Variants in ARHGAP40 observed in about 807,000 individuals in gnomAD.
ARHGAP40 encodes rho GTPase-activating protein 40.
A neutral mutation model predicts 73.5 loss-of-function variants in ARHGAP40; 43 were observed. The observed-to-expected ratio is 0.58, with a 90% CI of 0.46 to 0.75. The LOEUF (loss-of-function observed/expected upper bound fraction) is 0.75. Among genes scored for constraint, ARHGAP40 ranks in the 30% least tolerant of loss-of-function variants. ARHGAP40 has a pLI of 0.00. For missense variants in ARHGAP40, 734 were observed against 861.8 expected (o/e 0.85, Z 1.86); for synonymous variants, 300 against 352.8 (o/e 0.85, Z 1.68).
At chr20:38,650,008 A>C in exon 15 of ARHGAP40, 2 of 440,138 alleles carry the variant, frequency 4.5e-6, no homozygotes, top group South Asian at 3.9e-5. Flanking sequence ...TCAGAAATAG[A>C]CTCAGGGGTG....
intron 1 of ARHGAP40, among the ~76,000 whole-genome samples, chr20:38,621,881 C>G (rs191378900): frequency 6.3e-4 from 96 of 152,144 alleles, no homozygotes; most frequent in Middle Eastern, 3.4e-3. Context: ...TGGCAAAAAC[C>G]CTGTCTCTAC....
chr20:38,633,224 G>A (rs2088952417), intron 5 of ARHGAP40, among the ~76,000 whole-genome samples: 1 of 152,148 alleles, frequency 6.6e-6, no homozygotes, highest in Non-Finnish European at 1.5e-5. Flanking sequence ...CAAGGTTACA[G>A]TGAGCTGTGA....
intron 6 of ARHGAP40, among the ~76,000 whole-genome samples, chr20:38,635,679 A>T (rs905234872): frequency 1.3e-5 from 2 of 152,072 alleles, no homozygotes; most frequent in African/African-American, 4.8e-5. Flanking sequence ...TATATATAGA[A>T]CTATGAGACC....
At chr20:38,608,816 T>C (rs117743281) in intron 1 of ARHGAP40, among the ~76,000 whole-genome samples, 130 of 152,290 alleles carry the variant, frequency 8.5e-4, no homozygotes, top group Non-Finnish European at 1.6e-3. Flanking sequence ...AAAATCAAGG[T>C]GTCGGTAGGA....
chr20:38,634,479 G>A (rs1196269503), intron 5 of ARHGAP40, 141 bp from the exon 6 acceptor site: 2 of 580,160 alleles, frequency 3.4e-6, no homozygotes, highest in Non-Finnish European at 5.6e-6. Flanking sequence ...CTTGACTTGA[G>A]GATGGACTCC....
At chr20:38,644,036 T>C (rs918060779) in intron 11 of ARHGAP40, 126 bp downstream of exon 11, 3 of 801,272 alleles carry the variant, frequency 3.7e-6, no homozygotes, top group African/African-American at 1.8e-5. Flanking sequence ...TGTTGGCCTC[T>C]GCACAGGCCT....
In ARHGAP40 at chr20:38,623,524, G is replaced by A; in HGVS notation, c.303G>A (p.Glu101=). Reference sequence around the variant, plus strand: ...AACAGAGAGATGAGCTGAGGGAAGAGGACAGTGGCGGGAATGAAGGCCAGC... The same window carrying A: ...AACAGAGAGATGAGCTGAGGGAAGAAGACAGTGGCGGGAATGAAGGCCAGC... Residue 101 remains glutamate, a synonymous_variant, in exon 2 of 15, where the codon GAG becomes GAA. Coordinates refer to ENST00000373345, the Ensembl canonical transcript of ARHGAP40. 5.4e-6 allele frequency: 7 copies of A among 1,290,588 alleles called. No individual in the cohort carries two copies. In the South Asian group the frequency reaches 6.2e-5, roughly 11 times the overall value. The allele number at this position is 1,290,588 out of a possible 1,614,324, so 79.9% of individuals were successfully genotyped here. A position where few individuals can be genotyped will look rare whatever the true frequency, so the allele number is the denominator to read the frequency against.
intron 1 of ARHGAP40, among the ~76,000 whole-genome samples, chr20:38,604,123 G>T (rs890305035): frequency 6.6e-6 from 1 of 152,080 alleles, no homozygotes. Context: ...ACCATGCGTC[G>T]TCCGTCCATC....
chr20:38,645,191 C>T (rs373797597), intron 11 of ARHGAP40, among the ~76,000 whole-genome samples: 11 of 151,302 alleles, frequency 7.3e-5, no homozygotes, highest in African/African-American at 1.7e-4. Flanking sequence ...GTCCTCTGCT[C>T]ATTCTTCAAG....
Position 38,646,269 on chromosome 20 carries a change from A to G in ARHGAP40, c.1710+82A>G, listed in dbSNP as rs575903332. ...TGGGGCGCGGTGCTTCCCTTCCTCC[A>G]GGTCCCCGCTACCGGGCTGCCAGCA... is the stretch of plus-strand genomic sequence containing the variant. On this transcript the variant is annotated intron_variant, in intron 12 of 14. Transcript: ENST00000373345. This position sits in a 1 kb window ranked among gnomAD's most constrained non-coding sequence, Gnocchi z 4.5. The G allele has an allele frequency of 8.3e-7, 1 of 1,197,656 alleles. No individual in the cohort carries two copies. Among genetic ancestry groups the G allele is most frequent in the Non-Finnish European group, 1.1e-6 (1 of 934,084 alleles). The allele number at this position is 1,197,656 out of a possible 1,614,324, so 74.2% of individuals were successfully genotyped here.
At chr20:38,636,194 G>C (rs2088973863) in intron 6 of ARHGAP40, among the ~76,000 whole-genome samples, 1 of 152,068 alleles carries the variant, frequency 6.6e-6, no homozygotes, top group East Asian at 1.9e-4. Context: ...GAGGGGTAAT[G>C]AATTTAGAAC....
intron 13 of ARHGAP40, 119 bp downstream of exon 13, chr20:38,647,245 G>C: frequency 2.2e-6 from 2 of 906,710 alleles, no homozygotes; most frequent in Non-Finnish European, 3.0e-6. Context: ...TTCCCTTTCT[G>C]GGGTGGTCAG....
At chr20:38,615,420 G>A in intron 1 of ARHGAP40, 1 of 723,182 alleles carries the variant, frequency 1.4e-6, no homozygotes, top group South Asian at 1.4e-5. Flanking sequence ...GACTGAAGTT[G>A]GGGATAATGG....
chr20:38,643,665 TG>T, intron 10 of ARHGAP40, 38 bp from the exon 11 acceptor site: 1 of 1,296,310 alleles, frequency 7.7e-7, no homozygotes, highest in Non-Finnish European at 1.0e-6. Context: ...GCGCCAGGGA[TG>T]GGCTGAGATT....
intron 10 of ARHGAP40, among the ~76,000 whole-genome samples, chr20:38,642,435 CT>C (rs1293752156): frequency 6.6e-6 from 1 of 152,212 alleles, no homozygotes; most frequent in East Asian, 1.9e-4. Context: ...TTTCTGCTTC[CT>C]TTTCAGTAAA....
chr20:38,649,114 C>T (rs1002247928), intron 14 of ARHGAP40, among the ~76,000 whole-genome samples: 1 of 152,178 alleles, frequency 6.6e-6, no homozygotes, highest in Non-Finnish European at 1.5e-5. Flanking sequence ...CTGTGGGAAC[C>T]AAGGATGGGC....
At chr20:38,619,668 G>T (rs1012081473) in intron 1 of ARHGAP40, among the ~76,000 whole-genome samples, 1 of 145,142 alleles carries the variant, frequency 6.9e-6, no homozygotes, top group East Asian at 2.0e-4. Context: ...TTTCAACCTG[G>T]GTTCGTATCC....
intron 3 of ARHGAP40, among the ~76,000 whole-genome samples, chr20:38,627,993 A>G (rs6064791): frequency 0.28 from 41,925 of 152,112 alleles, 5,893 homozygotes; most frequent in Non-Finnish European, 0.3. Flanking sequence ...AGGCAGCAGT[A>G]ATACAGTGGC....
exon 2 of ARHGAP40, chr20:38,623,548 G>A (rs1281348474): frequency 2.3e-6 from 3 of 1,289,474 alleles, no homozygotes; most frequent in East Asian, 1.1e-4. Flanking sequence ...ATGAAGGCCA[G>A]CTTCCAGAGG....
Sources: allele counts gnomAD v4.1 joint callset (sites outside exome capture counted in the v4.1 genomes callset), GRCh38; gene constraint gnomAD v4.1.1; non-coding constraint Gnocchi (gnomAD v3.1); transcripts MANE v1.5; gene names NCBI Gene and HGNC (gene_info 2026-07-23, HGNC 2026-07-21).